The following CDCA4 variants were observed in gnomAD, a reference collection of about 807,000 sequenced individuals.
CDCA4 encodes the protein cell division cycle associated 4.
For missense variants in CDCA4, 294 were observed against 322.1 expected (o/e 0.91, Z 0.67); for synonymous variants, 130 against 137.0 (o/e 0.95, Z 0.36).
intron 1 of CDCA4, among the ~76,000 whole-genome samples, chr14:105,016,796 A>G (rs1306373543): frequency 6.6e-6 from 1 of 152,240 alleles, no homozygotes; most frequent in African/African-American, 2.4e-5. Context: ...TTTCTCCTTC[A>G]GCATAATTCT....
chr14:105,011,680 G>T lies in CDCA4; in HGVS notation c.250C>A (p.Pro84Thr). ...TQDGTWRTVA[P>T]QAAERAPLDR... is the part of the protein sequence containing the mutation. ...AGCGGCGCCCGCTCTGCAGCCTGGG[G>T]TGCCACTGTGCGCCACGTCCCATCC... is the stretch of plus-strand genomic sequence containing the variant. Residue 84 changes from proline to threonine, a missense_variant, in exon 2 of 2, where the codon CCC becomes ACC. Physicochemically the swap from Pro to Thr is conservative, Grantham distance 38 (BLOSUM62 -1). Coordinates refer to ENST00000336219, the MANE Select transcript of CDCA4 (RefSeq NM_017955.4). 6.2e-7 allele frequency: 1 copy of T among 1,613,694 alleles called. No homozygotes were observed. The highest frequency in any genetic ancestry group is 8.5e-7 in the Non-Finnish European group (1 of 1,179,986).
In CDCA4 at chr14:105,011,866, C is replaced by T. The variant is rs1301462783; in HGVS notation, c.64G>A (p.Ala22Thr). 3.7e-6 allele frequency: 6 copies of T among 1,613,848 alleles called. No homozygotes were observed. In the African/African-American group the frequency reaches 6.7e-5, roughly 18 times the overall value. Residue 22 changes from alanine (A) to threonine (T), a missense_variant, in exon 2 of 2, where the codon GCC becomes ACC. Coordinates refer to ENST00000336219, the MANE Select transcript of CDCA4 (RefSeq NM_017955.4). Reference protein sequence around the residue: ...GHEEDVEGALAGLKTVSSYSL... With the variant: ...GHEEDVEGALTGLKTVSSYSL... Reference sequence around the variant, plus strand: ...TATGAGGACACTGTCTTCAAGCCGGCCAGGGCTCCCTCCACGTCTTCCTCG... The same window carrying T: ...TATGAGGACACTGTCTTCAAGCCGGTCAGGGCTCCCTCCACGTCTTCCTCG...
At position 105,011,646 on chromosome 14, in the gene CDCA4, A is replaced by G. The variant is rs1448651276; in HGVS notation, c.284T>C (p.Leu95Ser). 6.2e-7 allele frequency: 1 copy of G among 1,613,782 alleles called. No homozygotes were observed. Among genetic ancestry groups the G allele is most frequent in the Admixed American group, 1.7e-5 (1 of 60,000 alleles). The change falls in exon 2 of 2, where the codon TTG becomes TCG. Residue 95 changes from leucine (L) to serine (S), a missense_variant. Transcript: ENST00000336219. Reference protein sequence around the residue: ...QAAERAPLDRLVSTEILCRAA... With the variant: ...QAAERAPLDRSVSTEILCRAA... ...ACGGCACAGGATCTCCGTGGAGACC[A>G]AGCGGTCGAGCGGCGCCCGCTCTGC...
At position 105,010,663 on chromosome 14, in the gene CDCA4, C is replaced by T. The variant is rs1182668081; in HGVS notation, c.*541G>A. 6.5e-6 allele frequency: 1 copy of T among 152,966 alleles called. No homozygotes were observed. Among genetic ancestry groups the T allele is most frequent in the Non-Finnish European group, 1.5e-5 (1 of 68,454 alleles). 9.5% of individuals were successfully genotyped at this position (152,966 alleles called of 1,614,324 possible). On this transcript the variant is annotated 3_prime_UTR_variant, in exon 2 of 2. Coordinates refer to ENST00000336219, the MANE Select transcript of CDCA4 (RefSeq NM_017955.4). ...AAAAAACAAAACAAAACAAAAAACC[C>T]TTATTTAAACCTTAAAAAAATGAAA...
chr14:105,020,058 C>T (rs1886185360), intron 1 of CDCA4, among the ~76,000 whole-genome samples: 1 of 152,196 alleles, frequency 6.6e-6, no homozygotes, highest in Admixed American at 6.5e-5. Flanking sequence ...TCCTTCTTTT[C>T]CCTGAAAACA....
chr14:105,015,653 G>T (rs568192905), intron 1 of CDCA4, among the ~76,000 whole-genome samples: 2 of 152,316 alleles, frequency 1.3e-5, no homozygotes, highest in South Asian at 4.1e-4. Context: ...AGCCAAACAT[G>T]TTCTAGGCCA....
intron 1 of CDCA4, among the ~76,000 whole-genome samples, chr14:105,013,575 G>A (rs750972779): frequency 2.0e-5 from 3 of 152,166 alleles, no homozygotes; most frequent in East Asian, 1.9e-4. Flanking sequence ...GAAAGCTGGC[G>A]TATGGGAGGC....
Position 105,011,087 on chromosome 14 carries a change from C to G in CDCA4, c.*117G>C. The G allele has an allele frequency of 6.3e-6, 8 of 1,263,610 alleles. No individual in the cohort carries two copies. The highest frequency in any genetic ancestry group is 7.5e-6 in the Non-Finnish European group (7 of 934,896). 78.3% of individuals were successfully genotyped at this position (1,263,610 alleles called of 1,614,324 possible). On this transcript the variant is annotated 3_prime_UTR_variant, in exon 2 of 2. Transcript: ENST00000336219. ...GGTAATGGGCTGTTCTGGGATTTCT[C>G]AGAATCAGCAGACAGGGCAGCAAGG...
rs758077133 is a variant in CDCA4, at chr14:105,011,342, T to C, written c.588A>G (p.Thr196=). 1 of 1,614,198 alleles carries C rather than the reference T, an allele frequency of 6.2e-7. No homozygotes were observed. Among genetic ancestry groups the C allele is most frequent in the South Asian group, 1.1e-5 (1 of 91,078 alleles). The change falls in exon 2 of 2, where the codon ACA becomes ACG. Residue 196 remains threonine, a synonymous_variant. Transcript: ENST00000336219. The part of the protein sequence containing the change: ...SPYYDLDTVL[T]GMMGGARPGP... ...CCGGCCTGGCACCCCCCATCATGCCTGTCAGTACTGTGTCCAGGTCGTAGT... is the reference window on the plus strand; with the variant it reads ...CCGGCCTGGCACCCCCCATCATGCCCGTCAGTACTGTGTCCAGGTCGTAGT...
At chr14:105,020,346 G>A (rs1479271082) in intron 1 of CDCA4, among the ~76,000 whole-genome samples, 1 of 152,228 alleles carries the variant, frequency 6.6e-6, no homozygotes, top group Non-Finnish European at 1.5e-5. Flanking sequence ...GAGAAGCGAG[G>A]CAGCGGAGAC....
intron 1 of CDCA4, among the ~76,000 whole-genome samples, chr14:105,019,172 G>A (rs980695538): frequency 1.4e-4 from 21 of 152,022 alleles, no homozygotes; most frequent in Non-Finnish European, 2.5e-4. Context: ...ACCAAGCACC[G>A]ACCAGACAGA....
chr14:105,011,017 A>AC lies in CDCA4; in HGVS notation c.*186dup, dbSNP rs762150612. The AC allele has an allele frequency of 2.7e-4, 187 of 686,842 alleles. No homozygotes were observed. The highest frequency in any genetic ancestry group is 3.9e-4 in the Non-Finnish European group (164 of 420,150). The allele number at this position is 686,842 out of a possible 1,614,324, so 42.5% of individuals were successfully genotyped here. A position where few individuals can be genotyped will look rare whatever the true frequency, so the allele number is the denominator to read the frequency against. ...CAGAACAGCCTCTGCCTGGCGCTCC[A>AC]CAGGGGGGAGGTGAGTGGGACGGGC... On this transcript the variant is annotated 3_prime_UTR_variant, in exon 2 of 2. Coordinates refer to ENST00000336219, the MANE Select transcript of CDCA4 (RefSeq NM_017955.4).
At chr14:105,015,256 G>C (rs1900615011) in intron 1 of CDCA4, among the ~76,000 whole-genome samples, 1 of 152,228 alleles carries the variant, frequency 6.6e-6, no homozygotes, top group South Asian at 2.1e-4. Context: ...GATCTTAAGA[G>C]GATGAATTCA....
chr14:105,019,628 G>A (rs910660109), intron 1 of CDCA4, among the ~76,000 whole-genome samples: 6 of 152,242 alleles, frequency 3.9e-5, no homozygotes, highest in Non-Finnish European at 7.3e-5. Flanking sequence ...GCAGTCTTGA[G>A]TACTGAGTGG....
At chr14:105,018,523 G>C (rs1011120303) in intron 1 of CDCA4, among the ~76,000 whole-genome samples, 1 of 152,170 alleles carries the variant, frequency 6.6e-6, no homozygotes, top group Non-Finnish European at 1.5e-5. Flanking sequence ...AAGCTGGCCT[G>C]TGAGGATCAC....
intron 1 of CDCA4, among the ~76,000 whole-genome samples, chr14:105,019,701 TTTCA>T (rs1414299151): frequency 6.7e-6 from 1 of 149,158 alleles, no homozygotes; most frequent in Non-Finnish European, 1.5e-5. Flanking sequence ...GTTATGTTAA[TTTCA>T]GGTATTTGGT....
intron 1 of CDCA4, among the ~76,000 whole-genome samples, chr14:105,016,829 G>T (rs890998093): frequency 1.3e-5 from 2 of 152,210 alleles, no homozygotes; most frequent in African/African-American, 2.4e-5. Context: ...GCAAACTCTT[G>T]TGTGTCAACA....
At chr14:105,012,173 G>A (rs1407378834) in intron 1 of CDCA4, among the ~76,000 whole-genome samples, 2 of 152,172 alleles carry the variant, frequency 1.3e-5, no homozygotes, top group African/African-American at 2.4e-5. Flanking sequence ...TGTTAGAAAC[G>A]ACAAACCTCT....
intron 1 of CDCA4, among the ~76,000 whole-genome samples, chr14:105,013,085 G>A (rs140053323): frequency 3.0e-4 from 45 of 152,360 alleles, no homozygotes; most frequent in Middle Eastern, 3.4e-3. Context: ...GGGCAACTCC[G>A]GGATGGCACC....
Sources: gnomAD v4.1 joint callset for allele counts (sites outside exome capture counted in the v4.1 genomes callset) on GRCh38, gnomAD v4.1.1 for gene constraint, MANE v1.5 for transcripts, NCBI Gene and HGNC (gene_info 2026-07-23, HGNC 2026-07-21) for gene names.